PTBP2: variants seen among roughly 807,000 people sequenced by gnomAD.
PTBP2 encodes polypyrimidine tract binding protein 2, also known as polypyrimidine tract-binding protein 2.
Under a neutral mutation model 61.4 loss-of-function variants are expected in PTBP2, and 13 were observed. That is an observed-to-expected ratio of 0.21 (90% CI 0.14 to 0.34). PTBP2 has a LOEUF of 0.34. Ranked by LOEUF, PTBP2 falls within the 10% of genes least tolerant of loss-of-function variation. PTBP2 has a pLI of 1.00. For synonymous variants in PTBP2, 215 were observed against 218.5 expected (o/e 0.98, Z 0.14); for missense variants, 405 against 642.6 (o/e 0.63, Z 4.00).
At chr1:96,809,212 T>C (rs1047748370) in intron 11 of PTBP2, among the ~76,000 whole-genome samples, 17 of 152,174 alleles carry the variant, frequency 1.1e-4, no homozygotes, top group African/African-American at 4.1e-4. Flanking sequence ...CTGAATTACA[T>C]GTCAAACTGA....
At chr1:96,772,544 C>G (rs1657495759) in intron 5 of PTBP2, among the ~76,000 whole-genome samples, 1 of 152,110 alleles carries the variant, frequency 6.6e-6, no homozygotes. Flanking sequence ...AAACTTTGTA[C>G]TTTGACCATC....
At chr1:96,817,091 T>C (rs1004275675), downstream of PTBP2, 5 of 152,184 alleles carry the variant, frequency 3.3e-5, no homozygotes, top group African/African-American at 1.2e-4. Context: ...TTGAACTTGA[T>C]AGCCCAATCA....
At chr1:96,782,819 AT>A in intron 7 of PTBP2, among the ~76,000 whole-genome samples, 1 of 152,100 alleles carries the variant, frequency 6.6e-6, no homozygotes, top group South Asian at 2.1e-4. Flanking sequence ...TTGGCTTTTC[AT>A]GTTTTCAGTC....
intron 8 of PTBP2, among the ~76,000 whole-genome samples, chr1:96,796,297 A>T (rs905061692): frequency 6.6e-6 from 1 of 151,994 alleles, no homozygotes; most frequent in Non-Finnish European, 1.5e-5. Context: ...CACCAAAAAA[A>T]AAAAAAAAAG....
At chr1:96,760,678 G>A (rs930412627) in intron 3 of PTBP2, among the ~76,000 whole-genome samples, 8 of 152,074 alleles carry the variant, frequency 5.3e-5, no homozygotes, top group South Asian at 4.1e-4. Flanking sequence ...CTCTCTTGAC[G>A]TTGTGATCTG....
intron 8 of PTBP2, among the ~76,000 whole-genome samples, chr1:96,788,233 A>T (rs1483492718): frequency 2.0e-5 from 3 of 152,084 alleles, no homozygotes; most frequent in African/African-American, 4.8e-5. Context: ...CATAGTAAGG[A>T]TATTAATATG....
chr1:96,723,675 AAACTAT>A, intron 2 of PTBP2, 81 bp downstream of exon 2: 1 of 1,306,694 alleles, frequency 7.7e-7, no homozygotes, highest in Non-Finnish European at 1.1e-6. Context: ...TTGCTTTTGA[AAACTAT>A]AACGTAGCTA....
chr1:96,726,211 C>T (rs990545301), intron 2 of PTBP2, among the ~76,000 whole-genome samples: 1 of 149,160 alleles, frequency 6.7e-6, no homozygotes, highest in African/African-American at 2.5e-5. Flanking sequence ...TATATATTAG[C>T]ACACATATAA....
At chr1:96,822,226 T>C (rs1557791133) in exon 14 of PTBP2, 1 of 152,226 alleles carries the variant, frequency 6.6e-6, no homozygotes, top group Non-Finnish European at 1.5e-5. Context: ...GCTCAATCTT[T>C]AGCAGTTAGG....
intron 8 of PTBP2, among the ~76,000 whole-genome samples, chr1:96,797,257 T>C (rs529598604): frequency 6.6e-6 from 1 of 152,280 alleles, no homozygotes; most frequent in South Asian, 2.1e-4. Flanking sequence ...TTCTTACCTT[T>C]GGAGAAAAGT....
chr1:96,799,147 C>G (rs1228788546), intron 8 of PTBP2, among the ~76,000 whole-genome samples: 1 of 152,150 alleles, frequency 6.6e-6, no homozygotes, highest in Non-Finnish European at 1.5e-5. Flanking sequence ...ATTACTGAGT[C>G]ACTCAAAATG....
intron 2 of PTBP2, among the ~76,000 whole-genome samples, chr1:96,726,372 A>G (rs890421531): frequency 6.8e-6 from 1 of 147,936 alleles, no homozygotes; most frequent in Non-Finnish European, 1.5e-5. Context: ...TCCTGGGTTC[A>G]GGCAATTCTC....
Position 96,751,436 on chromosome 1 carries a change from C to G in PTBP2, c.51C>G (p.Asp17Glu), listed in dbSNP as rs753327886. 3.1e-6 allele frequency: 5 copies of G among 1,611,874 alleles called. No homozygotes were observed. Among genetic ancestry groups the G allele is most frequent in the Non-Finnish European group, 8.5e-7 (1 of 1,178,554 alleles). Residue 17 changes from aspartate to glutamate, a missense_variant, in exon 3 of 14, where the codon GAC (aspartate) becomes GAG (glutamate). Physicochemically the swap from Asp to Glu is conservative, Grantham distance 45. This residue lies in a region of PTBP2 where 342 missense variants were observed against 491.2 expected (regional missense o/e 0.70). Coordinates refer to ENST00000674951, the MANE Select transcript of PTBP2 (RefSeq NM_021190.4). The part of the protein sequence containing the change: ...EVAVGVKRGS[D>E]ELLSGSVLSS... ...TTTTGTTTTCATAGAGAGGATCTGA[C>G]GAACTACTCTCAGGCAGTGTTCTCA...
At chr1:96,763,086 T>C (rs1557724198) in intron 3 of PTBP2, among the ~76,000 whole-genome samples, 1 of 150,056 alleles carries the variant, frequency 6.7e-6, no homozygotes, top group African/African-American at 2.5e-5. Flanking sequence ...ACCTCCTTTC[T>C]TTCCAGACTG....
intron 11 of PTBP2, among the ~76,000 whole-genome samples, chr1:96,810,453 C>T (rs1162009341): frequency 6.6e-6 from 1 of 152,122 alleles, no homozygotes; most frequent in Non-Finnish European, 1.5e-5. Context: ...CTTTAGATCA[C>T]TTCAGATCCT....
chr1:96,801,109 T>C (rs1334859736), intron 8 of PTBP2, among the ~76,000 whole-genome samples: 1 of 152,134 alleles, frequency 6.6e-6, no homozygotes, highest in South Asian at 2.1e-4. Context: ...TAGGCTGGTA[T>C]GTTTAGATCA....
rs1570809106 is a variant in PTBP2 at position 96,757,213 on chromosome 1, A to G, written c.115+5713A>G. On this transcript the variant is annotated intron_variant, in intron 3 of 13. Coordinates refer to ENST00000674951, the MANE Select transcript of PTBP2 (RefSeq NM_021190.4). ...AAAGCAAGGCCTAACTACACTGTCA[A>G]TACGAGGGTCAGGTAGAAATATCAA... Among the ~76,000 whole-genome samples, 3 of 152,342 alleles carry G rather than the reference A, an allele frequency of 2.0e-5. 1 individual carries two copies. The highest frequency in any genetic ancestry group is 3.9e-4 in the East Asian group (2 of 5,182).
intron 1 of PTBP2, 146 bp downstream of exon 1, chr1:96,722,018 C>G: frequency 9.4e-7 from 1 of 1,059,738 alleles, no homozygotes; most frequent in Non-Finnish European, 1.4e-6. Flanking sequence ...CGCACACACC[C>G]CTCCCTTTGC....
chr1:96,805,431 T>C (rs1186650741), intron 9 of PTBP2, among the ~76,000 whole-genome samples: 1 of 152,148 alleles, frequency 6.6e-6, no homozygotes. Context: ...TCTTCCCGTC[T>C]TTCTTAGTAA....
Sources: allele counts gnomAD v4.1 joint callset (sites outside exome capture counted in the v4.1 genomes callset), GRCh38; gene constraint gnomAD v4.1.1; regional missense constraint gnomAD v4.1.1; transcripts MANE v1.5; gene names NCBI Gene and HGNC (gene_info 2026-07-23, HGNC 2026-07-21).